Variants in CNBD2 observed in about 807,000 individuals in gnomAD.
CNBD2 encodes cyclic nucleotide-binding domain-containing protein 2.
In CNBD2, 64 loss-of-function variants were observed where a neutral mutation model predicts 63.7. The observed-to-expected ratio is 1.00, with a 90% confidence interval of 0.82 to 1.24. The LOEUF is 1.24. Ranked by LOEUF, CNBD2 falls within the 50% of genes most tolerant of loss-of-function variation. The probability of loss-of-function intolerance (pLI) is 0.00; values close to 1 mark genes in which losing one functional copy is unlikely to be tolerated. For missense variants in CNBD2, 691 were observed against 713.5 expected, an observed-to-expected ratio of 0.97 and a Z score of 0.36; for synonymous variants, 229 against 255.4, an observed-to-expected ratio of 0.90 and a Z score of 0.99.
chr20:36,025,521 G>GACCTCT (rs1276212838), intron 11 of CNBD2, among the ~76,000 whole-genome samples: 12 of 152,170 alleles, frequency 7.9e-5, no homozygotes, highest in Admixed American at 3.3e-4. Flanking sequence ...TTTTTGTAGA[G>GACCTCT]ATGGGGGTCT....
intron 3 of CNBD2, among the ~76,000 whole-genome samples, chr20:35,979,459 T>C (rs1288278350): frequency 6.6e-6 from 1 of 152,252 alleles, no homozygotes; most frequent in Non-Finnish European, 1.5e-5. Context: ...GGTCTTGCTA[T>C]GTTGCCTAGG....
intron 10 of CNBD2, among the ~76,000 whole-genome samples, chr20:36,015,118 T>A (rs899388467): frequency 2.0e-5 from 3 of 152,224 alleles, no homozygotes; most frequent in Non-Finnish European, 2.9e-5. Context: ...TGATCAATGA[T>A]GTTGAGCATT....
At chr20:35,998,874 CAAAAAAAA>C (rs74173968) in intron 8 of CNBD2, among the ~76,000 whole-genome samples, 3 of 47,374 alleles carry the variant, frequency 6.3e-5, no homozygotes, top group African/African-American at 2.2e-4. Context: ...CTGTGTCTCT[CAAAAAAAA>C]AAAAAAAAAA....
At chr20:36,029,863 C>T (rs910206953) in intron 11 of CNBD2, among the ~76,000 whole-genome samples, 3 of 151,942 alleles carry the variant, frequency 2.0e-5, no homozygotes, top group Non-Finnish European at 2.9e-5. Flanking sequence ...CTTCCTCAGC[C>T]GCACTTACTA....
At chr20:35,996,266 C>T (rs1232714019) in intron 8 of CNBD2, among the ~76,000 whole-genome samples, 1 of 152,154 alleles carries the variant, frequency 6.6e-6, no homozygotes, top group Non-Finnish European at 1.5e-5. Flanking sequence ...TCGTATTATG[C>T]CTGGCATCTA....
chr20:35,994,174 T>C (rs1438030008), intron 7 of CNBD2, among the ~76,000 whole-genome samples: 1 of 152,168 alleles, frequency 6.6e-6, no homozygotes, highest in African/African-American at 2.4e-5. Flanking sequence ...CAAGCGATTC[T>C]CCTGCCTCAG....
At chr20:36,013,891 G>A (rs1307775735) in intron 10 of CNBD2, among the ~76,000 whole-genome samples, 1 of 152,020 alleles carries the variant, frequency 6.6e-6, no homozygotes, top group Non-Finnish European at 1.5e-5. Flanking sequence ...ATAGAAATAT[G>A]TATAGGTAGG....
chr20:36,009,891 T>A lies in CNBD2; in HGVS notation c.1149-1246T>A, dbSNP rs149901891. ...ACTGAATTATCTAATTTAATCTCTG[T>A]AACAACTCTACGAGTACTATTATAA... On this transcript the variant is annotated intron_variant, in intron 9 of 11. Coordinates refer to ENST00000373973, the MANE Select transcript of CNBD2 (RefSeq NM_001365709.1). Among the ~76,000 whole-genome samples the A allele has an allele frequency of 3.0e-4, 46 of 152,316 alleles. No homozygotes were observed. In the East Asian group the frequency reaches 8.3e-3, roughly 27 times the overall value.
chr20:36,016,606 A>G (rs1250687820), intron 10 of CNBD2, among the ~76,000 whole-genome samples: 2 of 152,038 alleles, frequency 1.3e-5, no homozygotes, highest in Admixed American at 6.6e-5. Context: ...CCTGGCCAAC[A>G]TGGTGAAACC....
At chr20:35,976,417 T>A (rs1047297754) in intron 3 of CNBD2, among the ~76,000 whole-genome samples, 4 of 152,166 alleles carry the variant, frequency 2.6e-5, no homozygotes, top group African/African-American at 9.7e-5. Flanking sequence ...TGGGCACACC[T>A]CTCACACCTG....
At chr20:35,956,713 G>T (rs957967851), downstream of CNBD2, among the ~76,000 whole-genome samples, 4 of 152,166 alleles carry the variant, frequency 2.6e-5, no homozygotes, top group Non-Finnish European at 5.9e-5. Context: ...GTGGTAACAG[G>T]TACTCAGTTT....
At chr20:35,972,340 A>G (rs1323631851) in intron 1 of CNBD2, among the ~76,000 whole-genome samples, 1 of 152,166 alleles carries the variant, frequency 6.6e-6, no homozygotes. Flanking sequence ...AGGATTTGAC[A>G]TTTAGCTGGT....
chr20:36,007,291 T>G (rs2056998393), intron 8 of CNBD2, among the ~76,000 whole-genome samples: 1 of 152,190 alleles, frequency 6.6e-6, no homozygotes, highest in African/African-American at 2.4e-5. Context: ...CCTTTTTATT[T>G]CTGAATTATA....
rs551427357 is a variant in CNBD2 at position 35,989,591 on chromosome 20, TTG to T, written c.855+2063_855+2064del. Reference sequence around the variant, plus strand: ...AGGCAAAAGGAGGAAGCAAGATTGGTTGTGTGCTGGCACTGGCTTGTACCTGC... The same window carrying T: ...AGGCAAAAGGAGGAAGCAAGATTGGTTGTGCTGGCACTGGCTTGTACCTGC... On this transcript the variant is annotated intron_variant, in intron 7 of 11. Coordinates refer to ENST00000373973, the MANE Select transcript of CNBD2 (RefSeq NM_001365709.1). Among the ~76,000 whole-genome samples the T allele has an allele frequency of 2.0e-5, 3 of 152,296 alleles. No individual in the cohort carries two copies. In the East Asian group the frequency reaches 5.8e-4, roughly 29 times the overall value.
rs375801238 is a variant in CNBD2 at position 35,984,098 on chromosome 20, A to G, written c.524A>G (p.Asp175Gly). The stretch of plus-strand genomic sequence containing the variant: ...GAGGATGGCAGCAGTGCCTTCCTAG[A>G]TCCCCACCCGAAATTGCTGCACAAG... ...KDEDGSSAFL[D>G]PHPKLLHKGS... is the part of the protein sequence containing the mutation. The change falls in exon 5 of 12, where the codon GAT becomes GGT. Residue 175 changes from aspartate (D) to glycine (G), a missense_variant. Physicochemically the swap from Asp to Gly is moderately conservative, Grantham distance 94. Transcript: ENST00000373973. The G allele has an allele frequency of 5.6e-6, 9 of 1,613,104 alleles. No individual in the cohort carries two copies. The highest frequency in any genetic ancestry group is 6.8e-6 in the Non-Finnish European group (8 of 1,179,464).
chr20:36,011,165 G>A lies in CNBD2; in HGVS notation c.1177G>A (p.Ala393Thr). ...CAGGCCTGCTCAGTCGATCAAATGT[G>A]CCATGATCAATATCAAGCCTGGTGA... ...QSRPAQSIKCAMINIKPGELP... is the reference protein window; with the variant it reads ...QSRPAQSIKCTMINIKPGELP... Residue 393 changes from alanine (A) to threonine (T), a missense_variant, in exon 10 of 12, where the codon GCC becomes ACC. Coordinates refer to ENST00000373973, the MANE Select transcript of CNBD2 (RefSeq NM_001365709.1). 1 of 1,594,924 alleles carries A rather than the reference G, an allele frequency of 6.3e-7. No individual in the cohort carries two copies. The highest frequency in any genetic ancestry group is 1.1e-5 in the South Asian group (1 of 87,964).
chr20:35,954,451 C>A, upstream of CNBD2: 1 of 1,549,150 alleles, frequency 6.5e-7, no homozygotes, highest in East Asian at 2.4e-5. Context: ...AGCTTACCTG[C>A]ACCAGCGAAG....
At chr20:36,019,141 C>G (rs966524249) in intron 10 of CNBD2, among the ~76,000 whole-genome samples, 1 of 151,996 alleles carries the variant, frequency 6.6e-6, no homozygotes, top group Admixed American at 6.6e-5. Flanking sequence ...GAATGAAAAG[C>G]AGGGTGGGTG....
At chr20:35,973,004 A>C (rs1380594328) in intron 2 of CNBD2, 10 of 538,266 alleles carry the variant, frequency 1.9e-5, no homozygotes, top group African/African-American at 3.8e-5. Flanking sequence ...GCCTAGCCAC[A>C]GGCAACGCTG....
Sources: allele counts gnomAD v4.1 joint callset (sites outside exome capture counted in the v4.1 genomes callset), GRCh38; gene constraint gnomAD v4.1.1; transcripts MANE v1.5; gene names NCBI Gene and HGNC (gene_info 2026-07-23, HGNC 2026-07-21).